The following IFI44L variants were observed in gnomAD, a reference collection of about 807,000 sequenced individuals.
IFI44L encodes the protein interferon-induced protein 44-like.
Under a neutral mutation model 39.3 loss-of-function variants are expected in IFI44L, and 40 were observed. That is an observed-to-expected ratio of 1.02 (90% confidence interval 0.79 to 1.33). The LOEUF (loss-of-function observed/expected upper bound fraction) is 1.33, where lower values mean the gene tolerates loss of function less well. Ranked by LOEUF, IFI44L falls within the 40% of genes most tolerant of loss-of-function variation. The probability of loss-of-function intolerance (pLI) is 0.00; values close to 1 mark genes in which losing one functional copy is unlikely to be tolerated. For missense variants in IFI44L, 623 were observed against 549.0 expected (o/e 1.13, Z -1.35); for synonymous variants, 198 against 182.3 (o/e 1.09, Z -0.69).
rs1228161019 is a variant in IFI44L, at chr1:78,641,517, A to T, written c.1232A>T (p.Asp411Val). The change falls in exon 8 of 9, where the codon GAC (aspartate) becomes GTC (valine). Residue 411 changes from aspartate (D) to valine (V), a missense_variant. Physicochemically the swap from Asp to Val is radical, Grantham distance 152. Transcript: ENST00000370751. ...VGNYASDLEL[D>V]PMKDILILSA... ...AATTATGCTTCAGATTTGGAACTGG[A>T]CCCCATGAAGGATATTCTCATCCTC... The T allele has an allele frequency of 6.2e-7, 1 of 1,613,658 alleles. No homozygotes were observed. Among genetic ancestry groups the T allele is most frequent in the East Asian group, 2.2e-5 (1 of 44,858 alleles).
Position 78,635,358 on chromosome 1 carries a change from G to A in IFI44L, c.745G>A (p.Asp249Asn). The stretch of plus-strand genomic sequence containing the variant: ...ACAGTATAGGATATATTCTGTTAAA[G>A]ATGGAAAAAATGGAAAATCTCTGCC... The part of the protein sequence containing the change: ...TERYRIYSVK[D>N]GKNGKSLPFM... The change falls in exon 5 of 9, where the codon GAT (aspartate) becomes AAT (asparagine). Residue 249 changes from aspartate to asparagine, a missense_variant. Coordinates refer to ENST00000370751, the MANE Select transcript of IFI44L (RefSeq NM_006820.4). 6.2e-7 allele frequency: 1 copy of A among 1,608,442 alleles called. No individual in the cohort carries two copies. Among genetic ancestry groups the A allele is most frequent in the Non-Finnish European group, 8.5e-7 (1 of 1,175,024 alleles).
intron 2 of IFI44L, chr1:78,628,622 G>T: frequency 1.9e-6 from 1 of 528,922 alleles, no homozygotes; most frequent in Non-Finnish European, 3.3e-6. Flanking sequence ...TATGTGCAGA[G>T]ATAGAGATGA....
Position 78,641,843 on chromosome 1 carries a change from C to T in IFI44L, c.*34C>T. On this transcript the variant is annotated 3_prime_UTR_variant, in exon 9 of 9. Transcript: ENST00000370751. ...GCCTTGATTCTGACATTTGGCCCAGCCTGTACTGGTGTGCCGCAATGAGAG... is the reference window on the plus strand; with the variant it reads ...GCCTTGATTCTGACATTTGGCCCAGTCTGTACTGGTGTGCCGCAATGAGAG... The T allele has an allele frequency of 1.9e-6, 3 of 1,606,976 alleles. No individual in the cohort carries two copies. Among genetic ancestry groups the T allele is most frequent in the South Asian group, 2.2e-5 (2 of 90,912 alleles).
chr1:78,641,809 A>C lies in IFI44L; in HGVS notation c.1359A>C (p.Ter453CysextTer5). The C allele has an allele frequency of 1.2e-6, 2 of 1,613,504 alleles. No homozygotes were observed. The highest frequency in any genetic ancestry group is 1.7e-6 in the Non-Finnish European group (2 of 1,179,546). The part of the protein sequence containing the change: ...AIERALQPCI[*>C] Reference sequence around the variant, plus strand: ...AGAGAGCGTTACAGCCCTGCATTTGAGATAAGTTGCCTTGATTCTGACATT... The same window carrying C: ...AGAGAGCGTTACAGCCCTGCATTTGCGATAAGTTGCCTTGATTCTGACATT... The change falls in exon 9 of 9, where the codon TGA becomes TGC. Residue 453 changes from the stop codon to cysteine, a stop_lost. Transcript: ENST00000370751.
At chr1:78,623,661 T>C (rs1652371798) in intron 1 of IFI44L, among the ~76,000 whole-genome samples, 1 of 152,138 alleles carries the variant, frequency 6.6e-6, no homozygotes, top group East Asian at 1.9e-4. Context: ...TGTAATTCAG[T>C]CTGAATCCAA....
chr1:78,641,768 T>C lies in IFI44L; in HGVS notation c.1325-7T>C. ...TTCATTTCCACTCTTGTTTGTTTCA[T>C]TTTCAGGTGCAATTGAGAGAGCGTT... On this transcript the variant is annotated splice_polypyrimidine_tract_variant and splice_region_variant and intron_variant, in intron 8 of 8. Transcript: ENST00000370751. 6.2e-7 allele frequency: 1 copy of C among 1,613,632 alleles called. No homozygotes were observed. Among genetic ancestry groups the C allele is most frequent in the Non-Finnish European group, 8.5e-7 (1 of 1,179,604 alleles).
At chr1:78,636,827 G>A (rs1652965722) in intron 5 of IFI44L, 1 of 458,580 alleles carries the variant, frequency 2.2e-6, no homozygotes, top group African/African-American at 2.1e-5. Flanking sequence ...AAGCAATAAA[G>A]TGTTTTTTTT....
At chr1:78,630,938 C>A (rs1652727273) in intron 4 of IFI44L, among the ~76,000 whole-genome samples, 1 of 152,034 alleles carries the variant, frequency 6.6e-6, no homozygotes, top group South Asian at 2.1e-4. Context: ...ACATAGAGAC[C>A]TAAATACAAA....
chr1:78,631,526 T>C (rs764752917), intron 4 of IFI44L: 2 of 152,186 alleles, frequency 1.3e-5, no homozygotes, highest in Non-Finnish European at 2.9e-5. Context: ...AAAATTGTAA[T>C]TAAAGTGTCT....
intron 7 of IFI44L, 69 bp from the exon 8 acceptor site, chr1:78,641,365 TG>T: frequency 2.8e-6 from 4 of 1,417,334 alleles, no homozygotes; most frequent in Non-Finnish European, 3.9e-6. Flanking sequence ...TTTCTTAAAT[TG>T]TATTTAAAAT....
rs541262354 is a variant in IFI44L at position 78,642,155 on chromosome 1, T to C, written c.*346T>C. On this transcript the variant is annotated 3_prime_UTR_variant, in exon 9 of 9. Coordinates refer to ENST00000370751, the MANE Select transcript of IFI44L (RefSeq NM_006820.4). ...ATCACATTGAATAATAGTTATAAAA[T>C]TATTGTATAGACATCTGCTTCTTAA... 6 of 288,586 alleles carry C rather than the reference T, an allele frequency of 2.1e-5. No homozygotes were observed. In the East Asian group the frequency reaches 4.7e-4, roughly 23 times the overall value. 17.9% of individuals were successfully genotyped at this position (288,586 alleles called of 1,614,324 possible).
intron 4 of IFI44L, among the ~76,000 whole-genome samples, chr1:78,634,118 A>G (rs1652853353): frequency 6.6e-6 from 1 of 152,130 alleles, no homozygotes; most frequent in South Asian, 2.1e-4. Context: ...ACAAGGGGGA[A>G]AGGAGACAAG....
intron 5 of IFI44L, among the ~76,000 whole-genome samples, chr1:78,636,209 A>T (rs181468917): frequency 2.4e-4 from 37 of 152,232 alleles, no homozygotes; most frequent in Non-Finnish European, 5.2e-4. Flanking sequence ...AAAACCATCT[A>T]TTATAAACCA....
intron 2 of IFI44L, 55 bp downstream of exon 2, chr1:78,628,448 C>A (rs778210868): frequency 7.9e-6 from 8 of 1,008,594 alleles, no homozygotes; most frequent in Non-Finnish European, 1.2e-5. Context: ...TCCTTGTGTT[C>A]GGTAGGTAAT....
At chr1:78,639,499 G>T (rs1258002414) in intron 6 of IFI44L, among the ~76,000 whole-genome samples, 1 of 151,946 alleles carries the variant, frequency 6.6e-6, no homozygotes, top group Admixed American at 6.6e-5. Flanking sequence ...GCTCTAATTT[G>T]TATTTTCCAG....
chr1:78,640,777 G>A (rs1003817820), intron 6 of IFI44L, among the ~76,000 whole-genome samples: 13 of 151,894 alleles, frequency 8.6e-5, no homozygotes, highest in African/African-American at 3.1e-4. Context: ...GAATGGAATC[G>A]TAGATGATTG....
At chr1:78,620,821 A>G (rs1318795032) in intron 1 of IFI44L, 1 of 152,154 alleles carries the variant, frequency 6.6e-6, no homozygotes, top group Admixed American at 6.6e-5. Flanking sequence ...TATTCCTTCT[A>G]TGTAGCTGTA....
rs146424994 is a variant in IFI44L at position 78,628,238 on chromosome 1, T to C, written c.323T>C (p.Ile108Thr). 1.9e-6 allele frequency: 3 copies of C among 1,612,466 alleles called. No individual in the cohort carries two copies. The highest frequency in any genetic ancestry group is 2.5e-6 in the Non-Finnish European group (3 of 1,179,212). The part of the protein sequence containing the change: ...TLLLNTAPKI[I>T]DEQLVCRLSK... ...CTCTTAAATACAGCACCAAAAATTA[T>C]TGATGAGCAACTGGTGTGTCGTTTA... Residue 108 changes from isoleucine (I) to threonine (T), a missense_variant, in exon 2 of 9, where the codon ATT becomes ACT. Ile to Thr is a moderately conservative substitution (Grantham distance 89, BLOSUM62 -1). Coordinates refer to ENST00000370751, the MANE Select transcript of IFI44L (RefSeq NM_006820.4).
intron 1 of IFI44L, chr1:78,627,026 T>A (rs1652515175): frequency 6.6e-6 from 1 of 152,004 alleles, no homozygotes; most frequent in Non-Finnish European, 1.5e-5. Flanking sequence ...CACTCCAAAG[T>A]ATGATTTTTA....
Sources: gnomAD v4.1 joint callset for allele counts (sites outside exome capture counted in the v4.1 genomes callset) on GRCh38, gnomAD v4.1.1 for gene constraint, MANE v1.5 for transcripts, NCBI Gene and HGNC (gene_info 2026-07-23, HGNC 2026-07-21) for gene names.